LAMA4: variants seen among roughly 807,000 people sequenced by gnomAD.
LAMA4 encodes the protein laminin subunit alpha 4.
LAMA4 carries 127 observed loss-of-function variants against 207.1 expected under a neutral mutation model. The ratio of observed to expected loss-of-function variants is 0.61; its 90% CI spans 0.53 to 0.71. The LOEUF (loss-of-function observed/expected upper bound fraction) is 0.71, where lower values mean the gene tolerates loss of function less well. LAMA4 is among the 30% of genes least tolerant of loss of function. The pLI is 0.00. For missense variants in LAMA4, 2,093 were observed against 2,246.5 expected, an observed-to-expected ratio of 0.93 and a Z score of 1.38; for synonymous variants, 761 against 816.0, an observed-to-expected ratio of 0.93 and a Z score of 1.15.
intron 2 of LAMA4, chr6:112,217,818 T>C (rs1784715102): frequency 6.6e-6 from 1 of 152,216 alleles, no homozygotes; most frequent in African/African-American, 2.4e-5. Flanking sequence ...GTAAGCTTCT[T>C]AGTTTCCACT....
At chr6:112,156,025 A>G (rs537348962) in intron 14 of LAMA4, among the ~76,000 whole-genome samples, 1 of 152,350 alleles carries the variant, frequency 6.6e-6, no homozygotes, top group African/African-American at 2.4e-5. Flanking sequence ...AGAGGAATGA[A>G]CCATTATGAT....
chr6:112,185,917 G>A (rs1395298948), intron 8 of LAMA4, among the ~76,000 whole-genome samples: 1 of 152,120 alleles, frequency 6.6e-6, no homozygotes, highest in Non-Finnish European at 1.5e-5. Flanking sequence ...TCTTGAAGTT[G>A]TGCCTTTGAG....
At position 112,111,448 on chromosome 6, in the gene LAMA4, G is replaced by T. The variant is rs889631004; in HGVS notation, c.5327-1866C>A. ...GGAATTTTATGCGTTAGCTTTTTAT[G>T]GATAGAAATAATGAGTCACCAGAGT... On this transcript the variant is annotated intron_variant, in intron 38 of 38. Coordinates refer to ENST00000230538, the MANE Select transcript of LAMA4 (RefSeq NM_001105206.3). Among the ~76,000 whole-genome samples, 7 of 152,158 alleles carry T rather than the reference G, an allele frequency of 4.6e-5. No individual in the cohort carries two copies. In the South Asian group the frequency reaches 1.5e-3, roughly 32 times the overall value.
chr6:112,230,738 T>G (rs1785511146), intron 2 of LAMA4, among the ~76,000 whole-genome samples: 2 of 152,222 alleles, frequency 1.3e-5, no homozygotes, highest in African/African-American at 4.8e-5. Flanking sequence ...CTTAACTCCC[T>G]GAGCACAGAA....
At chr6:112,132,304 A>G (rs1260680763) in intron 28 of LAMA4, among the ~76,000 whole-genome samples, 4 of 152,186 alleles carry the variant, frequency 2.6e-5, no homozygotes, top group Non-Finnish European at 5.9e-5. Context: ...ACCTAATAAC[A>G]TTAGAAGTAG....
intron 13 of LAMA4, among the ~76,000 whole-genome samples, chr6:112,163,065 G>C (rs182958018): frequency 6.8e-6 from 1 of 148,050 alleles, no homozygotes; most frequent in Non-Finnish European, 1.5e-5. Context: ...TGCACTTCCC[G>C]GGCTCAAGTG....
chr6:112,136,523 C>G (rs1779358129), intron 24 of LAMA4, among the ~76,000 whole-genome samples: 1 of 151,996 alleles, frequency 6.6e-6, no homozygotes, highest in Non-Finnish European at 1.5e-5. Context: ...AAAACCTTAT[C>G]TCTACTAAAA....
At chr6:112,167,793 G>A (rs1781463585) in intron 12 of LAMA4, among the ~76,000 whole-genome samples, 1 of 150,800 alleles carries the variant, frequency 6.6e-6, no homozygotes, top group African/African-American at 2.4e-5. Context: ...CTGGAGTGCT[G>A]CCCTTGGATG....
intron 2 of LAMA4, among the ~76,000 whole-genome samples, chr6:112,246,162 A>C (rs1402891417): frequency 6.6e-6 from 1 of 152,240 alleles, no homozygotes; most frequent in African/African-American, 2.4e-5. Flanking sequence ...AAAGAAAAAC[A>C]GTTGAAAAAA....
At chr6:112,206,902 T>C in intron 4 of LAMA4, 119 bp downstream of exon 4, 11 of 1,165,224 alleles carry the variant, frequency 9.4e-6, no homozygotes, top group Middle Eastern at 3.9e-4. Flanking sequence ...CTCATCTCAA[T>C]ATGAGGTTTT....
rs138232283 is a variant in LAMA4, at chr6:112,132,768, G to T, written c.3819C>A (p.Phe1273Leu). The change falls in exon 28 of 39, where the codon TTC becomes TTA. Residue 1273 changes from phenylalanine (F) to leucine (L), a missense_variant. By Grantham distance (22) the Phe-to-Leu change is conservative. Coordinates refer to ENST00000230538, the MANE Select transcript of LAMA4 (RefSeq NM_001105206.3). Reference sequence around the variant, plus strand: ...AAACACTTACCCCTGAAGCATAATAGAATAGTAACCCATTTGGTTGTAATG... The same window carrying T: ...AAACACTTACCCCTGAAGCATAATATAATAGTAACCCATTTGGTTGTAATG... ...FRTLQPNGLL[F>L]YYASGSDVFS... 33 of 1,612,670 alleles carry T rather than the reference G, an allele frequency of 2.0e-5. No individual in the cohort carries two copies. Among genetic ancestry groups the T allele is most frequent in the Non-Finnish European group, 2.7e-5 (32 of 1,179,156 alleles).
Position 112,109,502 on chromosome 6 carries a change from C to T in LAMA4, c.5407G>A (p.Val1803Met). The change falls in exon 39 of 39, where the codon GTG (valine) becomes ATG (methionine). Residue 1803 changes from valine to methionine, a missense_variant. This residue lies in a region of LAMA4 where 383 missense variants were observed against 437.8 expected (regional missense o/e 0.87). Transcript: ENST00000230538. ...IRHFVIDGHPVSFSKAALVSG... is the reference protein window; with the variant it reads ...IRHFVIDGHPMSFSKAALVSG... ...ACCAGGGCTGCTTTACTGAAGCTCA[C>T]TGGGTGTCCATCAATCACAAAGTGG... The T allele has an allele frequency of 6.2e-7, 1 of 1,614,096 alleles. No individual in the cohort carries two copies. Among genetic ancestry groups the T allele is most frequent in the South Asian group, 1.1e-5 (1 of 91,086 alleles).
intron 26 of LAMA4, among the ~76,000 whole-genome samples, chr6:112,133,867 C>T (rs77777764): frequency 2.4e-4 from 37 of 152,240 alleles, no homozygotes; most frequent in Admixed American, 2.1e-3. Flanking sequence ...CAGGGTTTAA[C>T]GTAATGAAAC....
intron 18 of LAMA4, among the ~76,000 whole-genome samples, chr6:112,147,788 AT>A (rs1300157818): frequency 2.6e-5 from 4 of 152,030 alleles, no homozygotes; most frequent in Non-Finnish European, 4.4e-5. Flanking sequence ...CCATTTAGTA[AT>A]TTTTTTTCTA....
chr6:112,150,503 A>ATGCTTACCTCTCTCTGC lies in LAMA4; in HGVS notation c.2164_2173+7dup. The ATGCTTACCTCTCTCTGC allele has an allele frequency of 6.4e-7, 1 of 1,553,988 alleles. No individual in the cohort carries two copies. Among genetic ancestry groups the ATGCTTACCTCTCTCTGC allele is most frequent in the South Asian group, 1.1e-5 (1 of 89,794 alleles). Reference sequence around the variant, plus strand: ...ACAGATGAGACTTCAATTCTCTCTGATGCTTACCTCTCTCTGCTGCTTGTA... The same window carrying ATGCTTACCTCTCTCTGC: ...ACAGATGAGACTTCAATTCTCTCTGATGCTTACCTCTCTCTGCTGCTTACCTCTCTCTGCTGCTTGTA... On this transcript the variant is annotated splice_region_variant and intron_variant, in intron 17 of 38. Coordinates refer to ENST00000230538, the MANE Select transcript of LAMA4 (RefSeq NM_001105206.3).
rs1472505404 is a variant in LAMA4, at chr6:112,190,930, T to TCCTTC, written c.718+705_718+706insGAAGG. On this transcript the variant is annotated intron_variant, in intron 6 of 38. Transcript: ENST00000230538. ...TTCTTTCTTTCTTTCTTTCTTTCTT[T>TCCTTC]CTTTCTTTCTTTCTTTCCTTTCTTT... Among the ~76,000 whole-genome samples the TCCTTC allele has an allele frequency of 4.7e-3, 376 of 79,874 alleles. 6 individuals carry two copies. Among genetic ancestry groups the TCCTTC allele is most frequent in the Non-Finnish European group, 6.9e-3 (278 of 40,030 alleles). The allele number at this position is 79,874 out of a possible 152,430, so 52.4% of individuals were successfully genotyped here.
Position 112,141,946 on chromosome 6 carries a change from G to T in LAMA4, c.2667+173C>A, listed in dbSNP as rs184358938. 2.0e-3 allele frequency among the ~76,000 whole-genome samples: 298 copies of T among 152,296 alleles called. 3 individuals carry two copies. The highest frequency in any genetic ancestry group is 6.9e-3 in the African/African-American group (285 of 41,578). ...TCCCCACAATATCCCACACAGAGAA[G>T]AAATGACTTGTCCTTTAGTCATTCT... On this transcript the variant is annotated intron_variant, in intron 20 of 38. Transcript: ENST00000230538.
chr6:112,237,029 T>A (rs150320643), intron 2 of LAMA4: 30 of 152,344 alleles, frequency 2.0e-4, no homozygotes, highest in Non-Finnish European at 4.1e-4. Context: ...GAAGATCAAA[T>A]GATAGTGGTT....
At chr6:112,175,542 A>C (rs1385821022) in intron 10 of LAMA4, 62 bp from the exon 11 acceptor site, 1 of 1,541,924 alleles carries the variant, frequency 6.5e-7, no homozygotes, top group Middle Eastern at 1.7e-4. Flanking sequence ...CTAGAAATGC[A>C]AGGGAGCAAG....
Sources: gnomAD v4.1 joint callset for allele counts (sites outside exome capture counted in the v4.1 genomes callset) on GRCh38, gnomAD v4.1.1 for gene constraint, gnomAD v4.1.1 regional missense constraint, MANE v1.5 for transcripts, NCBI Gene and HGNC (gene_info 2026-07-23, HGNC 2026-07-21) for gene names.